Variants in SUGCT observed in about 807,000 individuals in gnomAD.
The protein encoded by SUGCT is succinyl-CoA:glutarate-CoA transferase.
A neutral mutation model predicts 55.0 loss-of-function variants in SUGCT; 41 were observed. That is an observed-to-expected ratio of 0.74 (90% CI 0.58 to 0.97). The LOEUF is 0.97. SUGCT is among the 50% of genes least tolerant of loss of function. SUGCT has a pLI of 0.00. For synonymous variants in SUGCT, 187 were observed against 200.4 expected (o/e 0.93, Z 0.56); for missense variants, 568 against 547.8 (o/e 1.04, Z -0.37).
intron 12 of SUGCT, among the ~76,000 whole-genome samples, chr7:40,563,130 G>C (rs954115383): frequency 4.6e-5 from 7 of 152,068 alleles, no homozygotes; most frequent in African/African-American, 1.7e-4. Context: ...CTCCTCCCAT[G>C]CTTTCTTAGC....
intron 11 of SUGCT, among the ~76,000 whole-genome samples, chr7:40,468,220 C>T (rs1445791301): frequency 6.6e-6 from 1 of 152,150 alleles, no homozygotes; most frequent in Non-Finnish European, 1.5e-5. Flanking sequence ...GTAAAATACA[C>T]CCATGACTTC....
intron 9 of SUGCT, among the ~76,000 whole-genome samples, chr7:40,378,636 C>A (rs1283347826): frequency 6.6e-6 from 1 of 152,140 alleles, no homozygotes; most frequent in Admixed American, 6.6e-5. Flanking sequence ...TCATGCCTGG[C>A]TAATTTTTCT....
At chr7:40,333,846 G>A (rs1231827489) in intron 9 of SUGCT, among the ~76,000 whole-genome samples, 1 of 150,112 alleles carries the variant, frequency 6.7e-6, no homozygotes, top group Non-Finnish European at 1.5e-5. Context: ...GTGGTGTGCT[G>A]CACCCATTAA....
chr7:40,169,792 A>G (rs1441460451), intron 1 of SUGCT, among the ~76,000 whole-genome samples: 3 of 150,022 alleles, frequency 2.0e-5, no homozygotes, highest in Admixed American at 6.6e-5. Flanking sequence ...CCTGATCTCT[A>G]TTATAAAAAC....
chr7:40,524,959 C>A (rs1793725901), intron 12 of SUGCT, among the ~76,000 whole-genome samples: 1 of 152,142 alleles, frequency 6.6e-6, no homozygotes, highest in Admixed American at 6.5e-5. Flanking sequence ...CTTTTTCCTT[C>A]ATTAATATGT....
At chr7:40,136,196 C>T (rs574067537) in intron 1 of SUGCT, among the ~76,000 whole-genome samples, 5 of 152,168 alleles carry the variant, frequency 3.3e-5, no homozygotes, top group Admixed American at 2.6e-4. Flanking sequence ...ACGGGTTTCA[C>T]CATGTTGGCC....
chr7:40,898,480 C>CGGGGGGGGGGGGG, the SUGCT span, among the ~76,000 whole-genome samples: 9 of 5,716 alleles, frequency 1.6e-3, 2 homozygotes, highest in Admixed American at 4.6e-3. Context: ...TCCGGGAGGT[C>CGGGGGGGGGGGGG]GGGGGGGGGG....
chr7:40,652,279 G>T (rs1800814491), intron 12 of SUGCT, among the ~76,000 whole-genome samples: 1 of 152,168 alleles, frequency 6.6e-6, no homozygotes, highest in Non-Finnish European at 1.5e-5. Context: ...GTGGAGGGCA[G>T]ATTCATTTAT....
At chr7:40,967,440 GAT>G in the SUGCT span, 1 of 152,160 alleles carries the variant, frequency 6.6e-6, no homozygotes, top group Non-Finnish European at 1.5e-5. Flanking sequence ...ATAGGAAACT[GAT>G]AACCAGATCC....
chr7:40,254,112 C>T (rs985573615), intron 7 of SUGCT, among the ~76,000 whole-genome samples: 5 of 152,110 alleles, frequency 3.3e-5, no homozygotes, highest in Non-Finnish European at 7.4e-5. Context: ...TTATATTTGA[C>T]CCCTAAATGG....
At chr7:40,930,209 T>C in the SUGCT span, among the ~76,000 whole-genome samples, 7,742 of 152,308 alleles carry the variant, frequency 0.051, 293 homozygotes, top group South Asian at 0.16. Flanking sequence ...TTTGTCAGGT[T>C]TGTCAAAGAA....
At chr7:40,974,709 T>G in the SUGCT span, among the ~76,000 whole-genome samples, 3 of 152,194 alleles carry the variant, frequency 2.0e-5, no homozygotes, top group Admixed American at 6.5e-5. Context: ...ATGTTACATG[T>G]GCCCAAGAGT....
At chr7:40,687,693 C>T (rs1310886618) in intron 12 of SUGCT, among the ~76,000 whole-genome samples, 1 of 152,176 alleles carries the variant, frequency 6.6e-6, no homozygotes, top group Non-Finnish European at 1.5e-5. Context: ...TTGGCATGAG[C>T]TGATCCAACA....
At chr7:40,259,536 A>G (rs143063571) in intron 7 of SUGCT, among the ~76,000 whole-genome samples, 9 of 152,216 alleles carry the variant, frequency 5.9e-5, no homozygotes. Context: ...TACAATGTGC[A>G]TATGTTTCAA....
chr7:40,618,832 A>T (rs1216672659), intron 12 of SUGCT, among the ~76,000 whole-genome samples: 2 of 152,158 alleles, frequency 1.3e-5, no homozygotes, highest in African/African-American at 4.8e-5. Context: ...TCAGAATTTA[A>T]ATCTGATTTT....
intron 11 of SUGCT, among the ~76,000 whole-genome samples, chr7:40,468,183 C>T (rs189266841): frequency 1.3e-4 from 20 of 152,190 alleles, no homozygotes; most frequent in African/African-American, 4.8e-4. Context: ...CCACGAAAAG[C>T]TTCAGCCCAT....
chr7:40,155,473 A>G (rs60819479), intron 1 of SUGCT, among the ~76,000 whole-genome samples: 7,192 of 152,244 alleles, frequency 0.047, 557 homozygotes, highest in African/African-American at 0.16. Flanking sequence ...TGTGAGCAAC[A>G]TAGGTATGGT....
intron 8 of SUGCT, among the ~76,000 whole-genome samples, chr7:40,289,161 T>C (rs2151041780): frequency 6.6e-6 from 1 of 152,226 alleles, no homozygotes; most frequent in East Asian, 1.9e-4. Flanking sequence ...TGTGATTAAA[T>C]TAAAGATCTT....
chr7:40,664,869 G>A (rs1562933854), intron 12 of SUGCT, among the ~76,000 whole-genome samples: 1 of 151,348 alleles, frequency 6.6e-6, no homozygotes, highest in Admixed American at 6.6e-5. Flanking sequence ...AGTCCCAGCT[G>A]CTCGGGAGGC....
Sources: allele counts gnomAD v4.1 joint callset (sites outside exome capture counted in the v4.1 genomes callset), GRCh38; gene constraint gnomAD v4.1.1; transcripts MANE v1.5; gene names NCBI Gene and HGNC (gene_info 2026-07-23, HGNC 2026-07-21).